Variants in ZNF251 observed in about 807,000 individuals in gnomAD.
ZNF251 encodes the protein zinc finger protein 251.
A neutral mutation model predicts 13.5 loss-of-function variants in ZNF251; 14 were observed. That is an observed-to-expected ratio of 1.04 (90% confidence interval 0.69 to 1.63). The LOEUF (loss-of-function observed/expected upper bound fraction) is 1.63. ZNF251 is among the 40% of genes most tolerant of loss of function. ZNF251 has a pLI of 0.00. For missense variants in ZNF251, 764 were observed against 834.9 expected (o/e 0.92, Z 1.05); for synonymous variants, 287 against 295.2 (o/e 0.97, Z 0.28).
chr8:144,741,123 C>G (rs1313966440), intron 4 of ZNF251, among the ~76,000 whole-genome samples: 1 of 152,188 alleles, frequency 6.6e-6, no homozygotes, highest in Non-Finnish European at 1.5e-5. Context: ...GCATCGCAAA[C>G]GCAGACGGGC....
At position 144,755,236 on chromosome 8, in the gene ZNF251, T is replaced by C. The variant is rs182042237; in HGVS notation, c.-76+169A>G. 7.6e-3 allele frequency: 9,015 copies of C among 1,186,344 alleles called. 52 individuals are homozygous for C. Among genetic ancestry groups the C allele is most frequent in the Middle Eastern group, 0.016 (40 of 2,572 alleles). The allele number at this position is 1,186,344 out of a possible 1,614,324, so 73.5% of individuals were successfully genotyped here. ...AGCTGTGGTCCTCAGTCCAGCCTTC[T>C]AGGGCCGCGCCGCGGTCGCCTCCTC... On this transcript the variant is annotated intron_variant, in intron 1 of 4. Transcript: ENST00000292562.
chr8:144,750,457 T>G (rs1170935913), intron 4 of ZNF251, among the ~76,000 whole-genome samples: 1 of 152,078 alleles, frequency 6.6e-6, no homozygotes, highest in Admixed American at 6.6e-5. Flanking sequence ...GTATTTCCCT[T>G]CCCCCAGGAA....
intron 4 of ZNF251, among the ~76,000 whole-genome samples, chr8:144,743,502 T>G (rs1369977788): frequency 6.6e-6 from 1 of 152,236 alleles, no homozygotes; most frequent in Non-Finnish European, 1.5e-5. Flanking sequence ...GTTTGGTAAT[T>G]ATGAATAAGG....
intron 3 of ZNF251, 148 bp downstream of exon 3, chr8:144,754,044 C>T: frequency 8.0e-7 from 1 of 1,250,622 alleles, no homozygotes; most frequent in Non-Finnish European, 1.1e-6. Flanking sequence ...AGGCTTTTCC[C>T]ATGGGAAATG....
chr8:144,732,358 G>A (rs1320207640), intron 4 of ZNF251, among the ~76,000 whole-genome samples: 1 of 152,196 alleles, frequency 6.6e-6, no homozygotes, highest in Non-Finnish European at 1.5e-5. Flanking sequence ...CCTTGGTGGT[G>A]GGTGTATGGG....
intron 3 of ZNF251, among the ~76,000 whole-genome samples, 164 bp downstream of exon 3, chr8:144,754,028 C>A (rs1218791419): frequency 6.6e-6 from 1 of 152,162 alleles, no homozygotes; most frequent in Non-Finnish European, 1.5e-5. Context: ...AACTGGGGAG[C>A]AAGGCAGGCT....
At chr8:144,755,245 G>C (rs1283318225) in intron 1 of ZNF251, 160 bp downstream of exon 1, 1 of 1,184,386 alleles carries the variant, frequency 8.4e-7, no homozygotes, top group African/African-American at 1.7e-5. Flanking sequence ...CTAGGGCCGC[G>C]CCGCGGTCGC....
chr8:144,736,022 C>T (rs1823877130), intron 4 of ZNF251, among the ~76,000 whole-genome samples: 1 of 152,226 alleles, frequency 6.6e-6, no homozygotes. Flanking sequence ...AAACCCTTCC[C>T]CAAATCCCTG....
intron 4 of ZNF251, 191 bp downstream of exon 4, chr8:144,753,492 G>A (rs562443359): frequency 7.4e-4 from 406 of 550,228 alleles, no homozygotes; most frequent in Non-Finnish European, 1.1e-3. Context: ...TTAAAGCAAA[G>A]AAACAGACCA....
intron 4 of ZNF251, among the ~76,000 whole-genome samples, chr8:144,730,613 C>G (rs1823665674): frequency 6.6e-6 from 1 of 152,150 alleles, no homozygotes; most frequent in Non-Finnish European, 1.5e-5. Flanking sequence ...CGGGGCAGGG[C>G]CCTGCCAAGG....
chr8:144,754,967 A>G, intron 1 of ZNF251, 164 bp from the exon 2 acceptor site: 1 of 1,401,914 alleles, frequency 7.1e-7, no homozygotes, highest in Non-Finnish European at 9.2e-7. Flanking sequence ...CTGAAATCCC[A>G]GAACGGCCAG....
At chr8:144,746,008 A>G (rs1360936225) in intron 4 of ZNF251, among the ~76,000 whole-genome samples, 1 of 152,222 alleles carries the variant, frequency 6.6e-6, no homozygotes, top group Non-Finnish European at 1.5e-5. Context: ...CAGATTTTGT[A>G]CATATTTTGT....
intron 4 of ZNF251, among the ~76,000 whole-genome samples, chr8:144,728,434 C>T (rs189291837): frequency 2.4e-3 from 358 of 151,962 alleles, no homozygotes; most frequent in African/African-American, 8.0e-3. Context: ...GAGGCCGAGA[C>T]GGGCGGATCA....
chr8:144,727,825 C>T (rs1403369511), intron 4 of ZNF251, among the ~76,000 whole-genome samples: 2 of 152,092 alleles, frequency 1.3e-5, no homozygotes, highest in African/African-American at 4.8e-5. Context: ...CTGTTATTTT[C>T]TTTTTGAGAC....
At chr8:144,748,198 T>C (rs116578696) in intron 4 of ZNF251, among the ~76,000 whole-genome samples, 5,521 of 152,082 alleles carry the variant, frequency 0.036, 343 homozygotes, top group African/African-American at 0.13. Context: ...CTTAGTCTCT[T>C]GAGTAGGGGG....
At chr8:144,752,006 A>G (rs1183034526) in intron 4 of ZNF251, among the ~76,000 whole-genome samples, 1 of 152,178 alleles carries the variant, frequency 6.6e-6, no homozygotes, top group Non-Finnish European at 1.5e-5. Context: ...AAGTGAAGTA[A>G]GTCTTATAAT....
At chr8:144,726,335 A>C (rs894240908) in intron 4 of ZNF251, among the ~76,000 whole-genome samples, 2 of 151,646 alleles carry the variant, frequency 1.3e-5, no homozygotes, top group Non-Finnish European at 2.9e-5. Context: ...GGAGTTCAAG[A>C]CCAGCCTGGC....
intron 4 of ZNF251, among the ~76,000 whole-genome samples, chr8:144,736,417 G>A (rs1259074887): frequency 6.6e-6 from 1 of 151,980 alleles, no homozygotes; most frequent in African/African-American, 2.4e-5. Context: ...AAAATAAAGG[G>A]AATCACGAAC....
chr8:144,736,549 T>C (rs187365494), intron 4 of ZNF251, among the ~76,000 whole-genome samples: 58 of 152,044 alleles, frequency 3.8e-4, no homozygotes, highest in Admixed American at 2.2e-3. Context: ...TAGAGTGCAA[T>C]GGCATGATCT....
Sources: gnomAD v4.1 joint callset for allele counts (sites outside exome capture counted in the v4.1 genomes callset) on GRCh38, gnomAD v4.1.1 for gene constraint, MANE v1.5 for transcripts, NCBI Gene and HGNC (gene_info 2026-07-23, HGNC 2026-07-21) for gene names.